NRXN1: variants seen among roughly 807,000 people sequenced by gnomAD.
NRXN1 encodes the protein neurexin-1.
NRXN1 carries 39 observed loss-of-function variants against 150.9 expected under a neutral mutation model. The ratio of observed to expected loss-of-function variants is 0.26; its 90% confidence interval spans 0.20 to 0.34. NRXN1 has a LOEUF of 0.34. Ranked by LOEUF, NRXN1 falls within the 10% of genes least tolerant of loss-of-function variation. The probability of loss-of-function intolerance (pLI) is 1.00; values close to 1 mark genes in which losing one functional copy is unlikely to be tolerated. For synonymous variants in NRXN1, 924 were observed against 757.0 expected, an observed-to-expected ratio of 1.22 and a Z score of -3.62; for missense variants, 1,815 against 1,949.9, an observed-to-expected ratio of 0.93 and a Z score of 1.30.
At chr2:49,995,387 G>T (rs1376038682) in intron 21 of NRXN1, among the ~76,000 whole-genome samples, 1 of 152,098 alleles carries the variant, frequency 6.6e-6, no homozygotes, top group Non-Finnish European at 1.5e-5. Context: ...TGAGCCCTAA[G>T]TTTGCCTTCT....
chr2:50,772,254 AC>A, intron 5 of NRXN1, among the ~76,000 whole-genome samples: 1 of 152,036 alleles, frequency 6.6e-6, no homozygotes, highest in Middle Eastern at 3.4e-3. Context: ...CCTGCAGCAT[AC>A]AAAGTTGGAT....
chr2:50,147,672 T>C (rs1257813691), intron 18 of NRXN1, among the ~76,000 whole-genome samples: 2 of 151,732 alleles, frequency 1.3e-5, no homozygotes, highest in African/African-American at 4.8e-5. Context: ...TGATAAGACA[T>C]CCTCTAACCC....
At chr2:50,495,862 C>T (rs75486783) in intron 15 of NRXN1, 43 bp downstream of exon 15, 16 of 1,496,580 alleles carry the variant, frequency 1.1e-5, no homozygotes, top group South Asian at 9.7e-5. Context: ...GAAGGGAGAC[C>T]GTGTGGTGCA....
intron 21 of NRXN1, among the ~76,000 whole-genome samples, chr2:49,958,726 C>G (rs891686273): frequency 5.3e-5 from 8 of 152,142 alleles, no homozygotes; most frequent in African/African-American, 1.9e-4. Context: ...GTAGTGATCT[C>G]AAAGAGTATT....
At chr2:50,433,441 A>G (rs1425993440) in intron 17 of NRXN1, among the ~76,000 whole-genome samples, 1 of 152,208 alleles carries the variant, frequency 6.6e-6, no homozygotes, top group African/African-American at 2.4e-5. Context: ...TATTACATAA[A>G]ATACTATTTG....
chr2:50,585,797 G>C (rs551009798), intron 8 of NRXN1, among the ~76,000 whole-genome samples: 2 of 152,238 alleles, frequency 1.3e-5, no homozygotes, highest in East Asian at 3.9e-4. Flanking sequence ...TCATTCAGAT[G>C]ATTCATTCAT....
At chr2:51,030,624 C>A (rs1408664630) in intron 1 of NRXN1, among the ~76,000 whole-genome samples, 1 of 151,954 alleles carries the variant, frequency 6.6e-6, no homozygotes, top group Non-Finnish European at 1.5e-5. Context: ...AAATAAAAAT[C>A]TCAGTTGCTT....
intron 2 of NRXN1, among the ~76,000 whole-genome samples, chr2:50,981,420 T>G (rs1575119031): frequency 8.3e-6 from 1 of 120,088 alleles, no homozygotes; most frequent in East Asian, 2.6e-4. Context: ...ATCGCACCAC[T>G]GCAGTCCAGC....
chr2:50,178,273 A>C (rs2060473234), intron 18 of NRXN1, among the ~76,000 whole-genome samples: 1 of 152,014 alleles, frequency 6.6e-6, no homozygotes, highest in South Asian at 2.1e-4. Context: ...ACTGCACAAG[A>C]GAATCTTTTT....
At chr2:50,701,246 A>C (rs1177429648) in intron 5 of NRXN1, among the ~76,000 whole-genome samples, 6 of 152,074 alleles carry the variant, frequency 3.9e-5, no homozygotes, top group Non-Finnish European at 8.8e-5. Flanking sequence ...TCTGTCTCTT[A>C]TCTGTCCAGT....
At chr2:50,413,706 G>C (rs1474898708) in intron 17 of NRXN1, among the ~76,000 whole-genome samples, 2 of 152,044 alleles carry the variant, frequency 1.3e-5, no homozygotes, top group African/African-American at 4.8e-5. Flanking sequence ...AAGGAAATCA[G>C]TATATCAAAG....
chr2:50,637,951 T>A (rs1683478930), intron 5 of NRXN1, among the ~76,000 whole-genome samples: 1 of 152,168 alleles, frequency 6.6e-6, no homozygotes, highest in Non-Finnish European at 1.5e-5. Flanking sequence ...TAAATTTAGA[T>A]CTTAGGATCC....
chr2:50,141,440 AAAAC>A (rs1182880487), intron 18 of NRXN1, among the ~76,000 whole-genome samples: 1 of 152,122 alleles, frequency 6.6e-6, no homozygotes, highest in Non-Finnish European at 1.5e-5. Context: ...ACAGGGAACA[AAAAC>A]AAAAAGAGAT....
rs2080483132 is a variant in NRXN1, at chr2:50,376,207, G to T, written c.3364+89235C>A. ...TAAAAAACCTAGAAAACAGTATAAAGGACTTAGACACAGTACAAGTATTTC... is the reference window on the plus strand; with the variant it reads ...TAAAAAACCTAGAAAACAGTATAAATGACTTAGACACAGTACAAGTATTTC... On this transcript the variant is annotated intron_variant, in intron 17 of 22. Coordinates refer to ENST00000401669, the MANE Select transcript of NRXN1 (RefSeq NM_001330078.2). 1.3e-5 allele frequency among the ~76,000 whole-genome samples: 2 copies of T among 151,716 alleles called. 1 individual carries two copies. The highest frequency in any genetic ancestry group is 4.2e-4 in the South Asian group (2 of 4,814).
chr2:50,818,554 A>G (rs2105809289), intron 5 of NRXN1, among the ~76,000 whole-genome samples: 1 of 152,208 alleles, frequency 6.6e-6, no homozygotes, highest in East Asian at 1.9e-4. Flanking sequence ...CCTAAACATA[A>G]GACCTGCAAC....
chr2:49,995,873 AAAAAAAAAAAG>A (rs1682894474), intron 21 of NRXN1, among the ~76,000 whole-genome samples: 1 of 139,160 alleles, frequency 7.2e-6, no homozygotes, highest in Non-Finnish European at 1.6e-5. Flanking sequence ...AAAAAAAAAA[AAAAAAAAAAAG>A]AAAAAAGGAT....
intron 5 of NRXN1, chr2:50,841,243 G>A (rs965303249): frequency 6.6e-6 from 1 of 152,562 alleles, no homozygotes; most frequent in African/African-American, 2.4e-5. Context: ...TGACAGGCAA[G>A]TTATCTCCAT....
chr2:50,116,789 A>G (rs1342313245), intron 18 of NRXN1, among the ~76,000 whole-genome samples: 4 of 152,162 alleles, frequency 2.6e-5, no homozygotes, highest in African/African-American at 9.7e-5. Flanking sequence ...AACTTGCACT[A>G]TGAATGACGT....
intron 21 of NRXN1, among the ~76,000 whole-genome samples, chr2:50,047,181 T>C (rs1453204253): frequency 6.6e-6 from 1 of 152,062 alleles, no homozygotes; most frequent in Non-Finnish European, 1.5e-5. Context: ...GAGCAGAATA[T>C]AGATCACCTC....
Sources: allele counts gnomAD v4.1 joint callset (sites outside exome capture counted in the v4.1 genomes callset), GRCh38; gene constraint gnomAD v4.1.1; transcripts MANE v1.5; gene names NCBI Gene and HGNC (gene_info 2026-07-23, HGNC 2026-07-21).